TRIM73: variants seen among roughly 807,000 people sequenced by gnomAD.
TRIM73 encodes tripartite motif-containing protein 73.
For synonymous variants in TRIM73, 8 were observed against 115.4 expected, an observed-to-expected ratio of 0.07 and a Z score of 5.97; for missense variants, 17 against 272.5, an observed-to-expected ratio of 0.06 and a Z score of 6.60.
At chr7:75,402,552 G>A (rs1312155393) in intron 2 of TRIM73, 2 of 3,058 alleles carry the variant, frequency 6.5e-4, no homozygotes, top group Non-Finnish European at 1.1e-3. Context: ...TACCACGCCC[G>A]GCTAATTTTT....
intron 2 of TRIM73, among the ~76,000 whole-genome samples, chr7:75,401,305 T>C (rs1286810371): frequency 1.3e-5 from 1 of 75,862 alleles, no homozygotes; most frequent in Non-Finnish European, 2.5e-5. Flanking sequence ...GCTGGGAGAT[T>C]GTCTGTCCTT....
chr7:75,402,647 C>T (rs1245220341), intron 2 of TRIM73: 4 of 3,128 alleles, frequency 1.3e-3, no homozygotes, highest in African/African-American at 4.5e-3. Flanking sequence ...GCCTCAGCCT[C>T]CCAGAGTGTT....
At chr7:75,401,590 G>A (rs1255872647) in intron 2 of TRIM73, 1 of 24,794 alleles carries the variant, frequency 4.0e-5, no homozygotes, top group Non-Finnish European at 7.1e-5. Context: ...CCTCTTTAAG[G>A]TGTTCCCGTT....
At position 75,404,580 on chromosome 7, in the gene TRIM73, AAAAAATT is replaced by A. The variant is rs1275866630; in HGVS notation, c.496-247_496-241del. The A allele has an allele frequency of 4.6e-4, 61 of 133,716 alleles. No individual in the cohort carries two copies. In the African/African-American group the frequency reaches 8.7e-3, roughly 19 times the overall value. 8.3% of individuals were successfully genotyped at this position (133,716 alleles called of 1,614,324 possible). A position where few individuals can be genotyped will look rare whatever the true frequency, so the allele number is the denominator to read the frequency against. On this transcript the variant is annotated intron_variant, in intron 3 of 4. Transcript: ENST00000323819. ...CAGAGTGAGACCCTGTCTGTTAAAA[AAAAAATT>A]AAAAATTAAAACAGGCCAAAGCAGA... is the stretch of plus-strand genomic sequence containing the variant.
Position 75,399,350 on chromosome 7 carries a change from AGGC to A in TRIM73, c.399+21_399+23del. On this transcript the variant is annotated intron_variant, in intron 2 of 4. Transcript: ENST00000323819. ...GCATGAAGGTGGGGAGTGAGGGTGCAGGCGGGGCGGCGGGGCCCGCGGGGACTG... is the reference window on the plus strand; with the variant it reads ...GCATGAAGGTGGGGAGTGAGGGTGCAGGGGCGGCGGGGCCCGCGGGGACTG... 5 of 493,658 alleles carry A rather than the reference AGGC, an allele frequency of 1.0e-5. No homozygotes were observed. Among genetic ancestry groups the A allele is most frequent in the South Asian group, 2.1e-5 (1 of 47,372 alleles). The allele number at this position is 493,658 out of a possible 1,614,324, so 30.6% of individuals were successfully genotyped here.
chr7:75,404,900 T>TG lies in TRIM73; in HGVS notation c.559dup (p.Asp187GlyfsTer49), dbSNP rs1329409170. 1 of 1,506,254 alleles carries TG rather than the reference T, an allele frequency of 6.6e-7. No individual in the cohort carries two copies. Among genetic ancestry groups the TG allele is most frequent in the East Asian group, 2.4e-5 (1 of 40,832 alleles). The allele number at this position is 1,506,254 out of a possible 1,614,324, so 93.3% of individuals were successfully genotyped here. A position where few individuals can be genotyped will look rare whatever the true frequency, so the allele number is the denominator to read the frequency against. Reference sequence around the variant, plus strand: ...GAGTTCCAGGAGCTGCGCCACCCGGTGGACGAGGAGAAGGCCCGCTGCCTG... The same window carrying TG: ...GAGTTCCAGGAGCTGCGCCACCCGGTGGGACGAGGAGAAGGCCCGCTGCCTG... On this transcript the variant is annotated frameshift_variant, in exon 4 of 5. Transcript: ENST00000323819. LOFTEE classifies it high-confidence loss of function.
intron 2 of TRIM73, chr7:75,402,362 G>A (rs1486504823): frequency 8.9e-6 from 1 of 112,814 alleles, no homozygotes; most frequent in African/African-American, 3.4e-5. Context: ...TTATGCCTGG[G>A]AAGTTCCTGC....
At chr7:75,405,045 T>C (rs1563129687) in exon 4 of TRIM73, 1 of 1,613,480 alleles carries the variant, frequency 6.2e-7, no homozygotes, top group South Asian at 1.1e-5. Context: ...AGTTCGGCAA[T>C]GAGGACCACC....
intron 2 of TRIM73, among the ~76,000 whole-genome samples, chr7:75,401,134 G>A (rs1395436633): frequency 2.1e-4 from 2 of 9,598 alleles, no homozygotes; most frequent in Non-Finnish European, 3.7e-4. Context: ...GAGATCACGT[G>A]TGTGAAATGT....
chr7:75,396,422 GC>G (rs1425451445), intron 1 of TRIM73, among the ~76,000 whole-genome samples: 1 of 137,496 alleles, frequency 7.3e-6, no homozygotes, highest in Non-Finnish European at 1.6e-5. Context: ...TAGCTTTGTT[GC>G]CTAGGCTGGT....
rs1292823580 is a variant in TRIM73, at chr7:75,401,451, G to A, written c.399+2119G>A. 5.2e-4 allele frequency among the ~76,000 whole-genome samples: 34 copies of A among 65,598 alleles called. 1 individual carries two copies. Among genetic ancestry groups the A allele is most frequent in the African/African-American group, 2.0e-3 (28 of 14,278 alleles). 43.0% of individuals were successfully genotyped at this position (65,598 alleles called of 152,430 possible). Reference sequence around the variant, plus strand: ...ACTCCTGGCCTCAAGTGATCCTCCCGTCTCGGCCTCCCAAAGTGCTGGGAT... The same window carrying A: ...ACTCCTGGCCTCAAGTGATCCTCCCATCTCGGCCTCCCAAAGTGCTGGGAT... On this transcript the variant is annotated intron_variant, in intron 2 of 4. Transcript: ENST00000323819.
intron 1 of TRIM73, among the ~76,000 whole-genome samples, chr7:75,396,130 G>T (rs1248986040): frequency 6.6e-6 from 1 of 151,066 alleles, no homozygotes; most frequent in Non-Finnish European, 1.5e-5. Flanking sequence ...GCTCCCAGCT[G>T]TGGGTTACTT....
chr7:75,397,992 C>T lies in TRIM73; in HGVS notation c.-18-924C>T. ...TCCTCCACAGTGGCCAAGGCCAGCA[C>T]TTGAATGTTATCAGAGCAGGCCCAA... On this transcript the variant is annotated intron_variant, in intron 1 of 4. Coordinates refer to ENST00000323819, the Ensembl canonical transcript of TRIM73. The T allele has an allele frequency of 1.1e-4, 2 of 17,402 alleles. 1 individual carries two copies. The highest frequency in any genetic ancestry group is 1.8e-4 in the Non-Finnish European group (2 of 11,300). 1.1% of individuals were successfully genotyped at this position (17,402 alleles called of 1,614,324 possible).
exon 1 of TRIM73, chr7:75,395,682 G>A: frequency 8.4e-6 from 4 of 478,752 alleles, no homozygotes; most frequent in South Asian, 7.4e-5. Context: ...ACCAGAGCGT[G>A]CGGGGCATGA....
Position 75,401,323 on chromosome 7 carries a change from A to G in TRIM73, c.399+1991A>G, listed in dbSNP as rs1314471692. ...GGGAGATTGTCTGTCCTTTGTAGTTAGGATCCAGCAGCTCAGCTTGGGTCC... is the reference window on the plus strand; with the variant it reads ...GGGAGATTGTCTGTCCTTTGTAGTTGGGATCCAGCAGCTCAGCTTGGGTCC... On this transcript the variant is annotated intron_variant, in intron 2 of 4. Coordinates refer to ENST00000323819, the Ensembl canonical transcript of TRIM73. Among the ~76,000 whole-genome samples the G allele has an allele frequency of 9.0e-4, 74 of 82,540 alleles. 7 individuals are homozygous for G. Among genetic ancestry groups the G allele is most frequent in the Admixed American group, 1.6e-3 (12 of 7,626 alleles). The allele number at this position is 82,540 out of a possible 152,430, so 54.1% of individuals were successfully genotyped here.
intron 1 of TRIM73, among the ~76,000 whole-genome samples, chr7:75,398,674 G>GAC (rs782221258): frequency 2.8e-5 from 1 of 36,314 alleles, no homozygotes; most frequent in African/African-American, 5.7e-5. Flanking sequence ...AAAAAATGTA[G>GAC]ACACACACAC....
exon 4 of TRIM73, chr7:75,405,021 G>A (rs150827650): frequency 6.2e-7 from 1 of 1,613,210 alleles, no homozygotes; most frequent in African/African-American, 1.3e-5. Context: ...CCCAAGCCGA[G>A]TGTGTGCTGG....
intron 2 of TRIM73, among the ~76,000 whole-genome samples, chr7:75,401,468 T>A (rs1355707855): frequency 8.8e-5 from 5 of 57,002 alleles, no homozygotes; most frequent in Non-Finnish European, 1.3e-4. Flanking sequence ...CCTCCCAAAG[T>A]GCTGGGATTC....
Sources: gnomAD v4.1 joint callset for allele counts (sites outside exome capture counted in the v4.1 genomes callset) on GRCh38, gnomAD v4.1.1 for gene constraint, MANE v1.5 for transcripts, NCBI Gene and HGNC (gene_info 2026-07-23, HGNC 2026-07-21) for gene names.